The following CSPP1 variants were observed in gnomAD, a reference collection of about 807,000 sequenced individuals.
CSPP1 encodes centrosome and spindle pole-associated protein 1.
A neutral mutation model predicts 164.4 loss-of-function variants in CSPP1; 126 were observed. The observed-to-expected ratio is 0.77, with a 90% CI of 0.66 to 0.89. The LOEUF (loss-of-function observed/expected upper bound fraction) is 0.89. CSPP1 is among the 40% of genes least tolerant of loss of function. The pLI is 0.00. For missense variants in CSPP1, 1,395 were observed against 1,449.8 expected, an observed-to-expected ratio of 0.96 and a Z score of 0.61; for synonymous variants, 472 against 476.7, an observed-to-expected ratio of 0.99 and a Z score of 0.13.
chr8:67,115,690 AATAAG>A (rs1817788941), intron 12 of CSPP1, among the ~76,000 whole-genome samples: 1 of 152,072 alleles, frequency 6.6e-6, no homozygotes, highest in South Asian at 2.1e-4. Context: ...TAAATAAATA[AATAAG>A]ATAGATAGAT....
intron 1 of CSPP1, among the ~76,000 whole-genome samples, chr8:67,066,232 A>G (rs1477844562): frequency 1.3e-5 from 2 of 152,134 alleles, no homozygotes; most frequent in African/African-American, 4.8e-5. Context: ...CAGTATTTAC[A>G]TCTTAGCAAT....
intron 29 of CSPP1, among the ~76,000 whole-genome samples, chr8:67,192,217 G>A (rs1457264489): frequency 6.6e-6 from 1 of 151,996 alleles, no homozygotes; most frequent in Non-Finnish European, 1.5e-5. Context: ...TGGGATTACA[G>A]GTGCATGCCA....
chr8:67,110,025 C>T (rs1816515872), intron 9 of CSPP1, among the ~76,000 whole-genome samples: 1 of 151,898 alleles, frequency 6.6e-6, no homozygotes, highest in Non-Finnish European at 1.5e-5. Context: ...ATAAGCCACC[C>T]CCGCCCCATC....
intron 19 of CSPP1, 47 bp downstream of exon 19, chr8:67,154,183 A>C: frequency 1.1e-6 from 1 of 931,890 alleles, no homozygotes. Flanking sequence ...GATTTTAATA[A>C]ACAAAACTTG....
chr8:67,084,701 T>G (rs1480936457), intron 3 of CSPP1, among the ~76,000 whole-genome samples: 1 of 151,006 alleles, frequency 6.6e-6, no homozygotes, highest in Non-Finnish European at 1.5e-5. Flanking sequence ...ATCACGCCAC[T>G]GCACTCAAGC....
intron 28 of CSPP1, among the ~76,000 whole-genome samples, chr8:67,189,228 A>G (rs1178938267): frequency 6.6e-6 from 1 of 152,182 alleles, no homozygotes; most frequent in East Asian, 1.9e-4. Flanking sequence ...AAAAATAAGC[A>G]TATTCTTACC....
chr8:67,088,296 G>T lies in CSPP1; in HGVS notation c.303+2186G>T, dbSNP rs375588229. Among the ~76,000 whole-genome samples, 461 of 150,384 alleles carry T rather than the reference G, an allele frequency of 3.1e-3. 6 individuals carry two copies. The highest frequency in any genetic ancestry group is 9.8e-3 in the African/African-American group (401 of 40,984). On this transcript the variant is annotated intron_variant, in intron 4 of 30. Transcript: ENST00000678616. ...TTAAGATTTTTTTGTTTGTTTTTTG[G>T]TTTTTTTTTGAGACAGAGTCTTGCT...
At chr8:67,131,248 A>T (rs1390658932) in intron 15 of CSPP1, among the ~76,000 whole-genome samples, 1 of 152,092 alleles carries the variant, frequency 6.6e-6, no homozygotes, top group Non-Finnish European at 1.5e-5. Flanking sequence ...TGAGCCATGC[A>T]TGGTGATGTG....
At position 67,174,158 on chromosome 8, in the gene CSPP1, T is replaced by C. The variant is rs138412573; in HGVS notation, c.2969-1138T>C. 273 of 152,234 alleles carry C rather than the reference T, an allele frequency of 1.8e-3. 4 individuals are homozygous for C. Among genetic ancestry groups the C allele is most frequent in the African/African-American group, 6.4e-3 (264 of 41,532 alleles). 9.4% of individuals were successfully genotyped at this position (152,234 alleles called of 1,614,324 possible). On this transcript the variant is annotated intron_variant, in intron 25 of 30. Transcript: ENST00000678616. ...CCTGTGTTACTACATCTTGCCCTCATTCACCCATGACTTGGTGGTTGGTAT... is the reference window on the plus strand; with the variant it reads ...CCTGTGTTACTACATCTTGCCCTCACTCACCCATGACTTGGTGGTTGGTAT...
At chr8:67,107,999 T>TTA (rs1815969040) in intron 9 of CSPP1, among the ~76,000 whole-genome samples, 1 of 150,842 alleles carries the variant, frequency 6.6e-6, no homozygotes, top group South Asian at 2.1e-4. Flanking sequence ...TTTTTTTTTT[T>TTA]TTGTTTGGGT....
In CSPP1 at chr8:67,091,892, A is replaced by T; in HGVS notation, c.384+9A>T. 8.0e-7 allele frequency: 1 copy of T among 1,254,992 alleles called. No individual in the cohort carries two copies. Among genetic ancestry groups the T allele is most frequent in the Non-Finnish European group, 1.1e-6 (1 of 939,884 alleles). The allele number at this position is 1,254,992 out of a possible 1,614,324, so 77.7% of individuals were successfully genotyped here. A position where few individuals can be genotyped will look rare whatever the true frequency, so the allele number is the denominator to read the frequency against. On this transcript the variant is annotated intron_variant, in intron 5 of 30. Transcript: ENST00000678616. Reference sequence around the variant, plus strand: ...AGAGGTTATCTGCTAAGGTAGGTGGATAGGAGTAGTTATTGTGGGTACCAG... The same window carrying T: ...AGAGGTTATCTGCTAAGGTAGGTGGTTAGGAGTAGTTATTGTGGGTACCAG...
intron 22 of CSPP1, among the ~76,000 whole-genome samples, chr8:67,162,635 T>A (rs924955353): frequency 6.6e-6 from 1 of 152,188 alleles, no homozygotes. Flanking sequence ...AATGTTTTTT[T>A]AGGCAATGGT....
intron 15 of CSPP1, among the ~76,000 whole-genome samples, chr8:67,128,470 C>G (rs142594026): frequency 0.013 from 1,900 of 149,960 alleles, 59 homozygotes; most frequent in South Asian, 0.045. Context: ...ACCTGAAAGG[C>G]AGAGGTTGCA....
chr8:67,137,831 T>A (rs533504541), intron 17 of CSPP1, among the ~76,000 whole-genome samples: 1 of 152,346 alleles, frequency 6.6e-6, no homozygotes, highest in South Asian at 2.1e-4. Flanking sequence ...CATCCTCCGA[T>A]GTTGATAACC....
At position 67,154,030 on chromosome 8, in the gene CSPP1, T is replaced by C; in HGVS notation, c.2135T>C (p.Met712Thr). Reference protein sequence around the residue: ...EDAANKSSGHMQTQSSPFARG... With the variant: ...EDAANKSSGHTQTQSSPFARG... Reference sequence around the variant, plus strand: ...GCAAAATATTTCTTTCAAGGTCATATGCAAACACAGAGCTCTCCTTTTGCT... The same window carrying C: ...GCAAAATATTTCTTTCAAGGTCATACGCAAACACAGAGCTCTCCTTTTGCT... Residue 712 changes from methionine to threonine, a missense_variant, in exon 19 of 31, where the codon ATG becomes ACG. Transcript: ENST00000678616. The C allele has an allele frequency of 2.5e-6, 4 of 1,573,948 alleles. No individual in the cohort carries two copies. The highest frequency in any genetic ancestry group is 3.5e-6 in the Non-Finnish European group (4 of 1,145,188).
chr8:67,068,830 C>T (rs1256809806), intron 1 of CSPP1, among the ~76,000 whole-genome samples: 1 of 152,170 alleles, frequency 6.6e-6, no homozygotes, highest in Non-Finnish European at 1.5e-5. Context: ...AAAAACATTC[C>T]ATCAGTGTCT....
chr8:67,140,313 G>C (rs1823248484), intron 17 of CSPP1, among the ~76,000 whole-genome samples: 1 of 152,118 alleles, frequency 6.6e-6, no homozygotes, highest in South Asian at 2.1e-4. Context: ...TCAAACTCCT[G>C]ACCTCAGGTG....
intron 21 of CSPP1, among the ~76,000 whole-genome samples, chr8:67,160,983 C>A (rs1038565413): frequency 1.3e-5 from 2 of 152,054 alleles, no homozygotes; most frequent in African/African-American, 2.4e-5. Context: ...CAAACTACCA[C>A]ACCTGGCTAA....
In CSPP1 at chr8:67,196,250, T is replaced by A. The variant is rs2129576857; in HGVS notation, c.*657T>A. On this transcript the variant is annotated 3_prime_UTR_variant, in exon 31 of 31. Coordinates refer to ENST00000678616, the MANE Select transcript of CSPP1 (RefSeq NM_001382391.1). The stretch of plus-strand genomic sequence containing the variant: ...CTTCTTGATATAAATAAATTTTTAT[T>A]TTAATTACTAAAATCTTTTTAACTA... 6.6e-6 allele frequency: 1 copy of A among 152,346 alleles called. No homozygotes were observed. Among genetic ancestry groups the A allele is most frequent in the African/African-American group, 2.4e-5 (1 of 41,594 alleles). 9.4% of individuals were successfully genotyped at this position (152,346 alleles called of 1,614,324 possible). A position where few individuals can be genotyped will look rare whatever the true frequency, so the allele number is the denominator to read the frequency against.
Sources: allele counts gnomAD v4.1 joint callset (sites outside exome capture counted in the v4.1 genomes callset), GRCh38; gene constraint gnomAD v4.1.1; transcripts MANE v1.5; gene names NCBI Gene and HGNC (gene_info 2026-07-23, HGNC 2026-07-21).